The following HPSE2 variants were observed in gnomAD, a reference collection of about 807,000 sequenced individuals.
HPSE2 encodes the protein inactive heparanase-2.
HPSE2 carries 38 observed loss-of-function variants against 60.5 expected under a neutral mutation model. That is an observed-to-expected ratio of 0.63 (90% CI 0.48 to 0.82). The LOEUF (loss-of-function observed/expected upper bound fraction) is 0.82, where lower values mean the gene tolerates loss of function less well. Among genes scored for constraint, HPSE2 ranks in the 40% least tolerant of loss-of-function variants. The pLI is 0.00. For synonymous variants in HPSE2, 295 were observed against 293.2 expected, an observed-to-expected ratio of 1.01 and a Z score of -0.06; for missense variants, 713 against 740.4, an observed-to-expected ratio of 0.96 and a Z score of 0.43.
chr10:98,984,921 C>T (rs572862777), intron 3 of HPSE2, among the ~76,000 whole-genome samples: 196 of 151,934 alleles, frequency 1.3e-3, no homozygotes, highest in Admixed American at 4.0e-3. Context: ...TGAAATGAAG[C>T]GAGAAGGGAA....
chr10:99,293,254 T>A, the HPSE2 span, among the ~76,000 whole-genome samples: 1 of 152,168 alleles, frequency 6.6e-6, no homozygotes, highest in African/African-American at 2.4e-5. Context: ...TATAAGTTGA[T>A]TCAAAAAGTA....
At chr10:98,589,251 T>G (rs1945021724) in intron 9 of HPSE2, among the ~76,000 whole-genome samples, 1 of 152,198 alleles carries the variant, frequency 6.6e-6, no homozygotes, top group East Asian at 1.9e-4. Flanking sequence ...CGAGGGCTCA[T>G]CACCTGGCTG....
At chr10:98,749,492 GAT>G (rs142443351) in intron 3 of HPSE2, among the ~76,000 whole-genome samples, 2 of 150,474 alleles carry the variant, frequency 1.3e-5, no homozygotes, top group Non-Finnish European at 3.0e-5. Flanking sequence ...TATATATACA[GAT>G]ATATATATGC....
At chr10:99,252,558 C>T in the HPSE2 span, among the ~76,000 whole-genome samples, 2 of 152,058 alleles carry the variant, frequency 1.3e-5, no homozygotes, top group Non-Finnish European at 2.9e-5. Context: ...ATCAAGAACA[C>T]AATCCCTTTA....
At chr10:98,922,688 T>C (rs564083761) in intron 3 of HPSE2, among the ~76,000 whole-genome samples, 6 of 152,168 alleles carry the variant, frequency 3.9e-5, no homozygotes, top group Non-Finnish European at 8.8e-5. Context: ...ATACATGGTA[T>C]AATATACTTC....
intron 3 of HPSE2, among the ~76,000 whole-genome samples, chr10:98,771,197 T>C (rs1006859022): frequency 6.6e-6 from 1 of 152,106 alleles, no homozygotes; most frequent in Admixed American, 6.6e-5. Flanking sequence ...AAAACAGACA[T>C]GGCTAAGCAG....
At chr10:98,564,954 G>C (rs1006074492) in intron 9 of HPSE2, among the ~76,000 whole-genome samples, 31 of 152,206 alleles carry the variant, frequency 2.0e-4, no homozygotes, top group Non-Finnish European at 4.0e-4. Context: ...GACAAACTAG[G>C]ACACACAGAC....
At chr10:99,153,701 T>A (rs1340075986) in intron 2 of HPSE2, among the ~76,000 whole-genome samples, 2 of 152,144 alleles carry the variant, frequency 1.3e-5, no homozygotes, top group African/African-American at 2.4e-5. Flanking sequence ...GCGCCTCTCC[T>A]CCTCCAAAGG....
At chr10:98,794,942 T>C (rs1325199824) in intron 3 of HPSE2, among the ~76,000 whole-genome samples, 1 of 147,112 alleles carries the variant, frequency 6.8e-6, no homozygotes, top group Non-Finnish European at 1.5e-5. Flanking sequence ...TCTTTCCTTG[T>C]TCAAAACTGT....
chr10:98,461,795 C>T (rs1400149364), intron 11 of HPSE2: 2 of 1,595,432 alleles, frequency 1.3e-6, no homozygotes, highest in Non-Finnish European at 1.7e-6. Flanking sequence ...TTCAGATGAT[C>T]CCACAGTATT....
chr10:99,084,546 G>A (rs1012770301), intron 3 of HPSE2, among the ~76,000 whole-genome samples: 7 of 152,080 alleles, frequency 4.6e-5, no homozygotes, highest in African/African-American at 1.7e-4. Flanking sequence ...AGAGACTTCT[G>A]CAAACAACGC....
intron 9 of HPSE2, among the ~76,000 whole-genome samples, chr10:98,577,895 G>T (rs1402115453): frequency 2.6e-5 from 4 of 152,106 alleles, no homozygotes; most frequent in Non-Finnish European, 5.9e-5. Context: ...CAAATGCTGA[G>T]TTTATTTTGC....
At chr10:98,602,894 T>C (rs769021236) in intron 9 of HPSE2, among the ~76,000 whole-genome samples, 1 of 151,968 alleles carries the variant, frequency 6.6e-6, no homozygotes, top group African/African-American at 2.4e-5. Flanking sequence ...TGGCCTTGAA[T>C]TGAACACCAA....
At chr10:99,055,900 T>G (rs937828697) in intron 3 of HPSE2, among the ~76,000 whole-genome samples, 1 of 151,874 alleles carries the variant, frequency 6.6e-6, no homozygotes, top group Non-Finnish European at 1.5e-5. Flanking sequence ...ATTATCTAAA[T>G]CTCCACCTTA....
rs1371108965 is a variant in HPSE2, at chr10:99,021,636, T to A, written c.610+122602A>T. Among the ~76,000 whole-genome samples, 8 of 152,296 alleles carry A rather than the reference T, an allele frequency of 5.3e-5. No homozygotes were observed. In the East Asian group the frequency reaches 1.2e-3, roughly 22 times the overall value. The stretch of plus-strand genomic sequence containing the variant: ...CAAAGTAAGGTGTTTTAAGGATTGA[T>A]TAATTGAGTAGCTTAGTGGTATAAT... On this transcript the variant is annotated intron_variant, in intron 3 of 11. Transcript: ENST00000370552.
At chr10:99,025,234 C>G (rs994810089) in intron 3 of HPSE2, among the ~76,000 whole-genome samples, 1 of 152,004 alleles carries the variant, frequency 6.6e-6, no homozygotes, top group African/African-American at 2.4e-5. Context: ...TTTGTTTATG[C>G]AAATAGTGTT....
chr10:98,984,655 G>C (rs1019497688), intron 3 of HPSE2, among the ~76,000 whole-genome samples: 1 of 152,218 alleles, frequency 6.6e-6, no homozygotes, highest in Non-Finnish European at 1.5e-5. Flanking sequence ...TGACTTTGAC[G>C]AGTTGAGAGA....
At chr10:98,559,388 G>A (rs1554939289) in intron 9 of HPSE2, among the ~76,000 whole-genome samples, 2 of 151,904 alleles carry the variant, frequency 1.3e-5, no homozygotes, top group Admixed American at 6.6e-5. Flanking sequence ...TTTTTGCCCT[G>A]TGTACTCTTT....
chr10:99,251,862 CAAAAAAAAAAAAAA>C, the HPSE2 span, among the ~76,000 whole-genome samples: 4 of 57,264 alleles, frequency 7.0e-5, no homozygotes, highest in Non-Finnish European at 7.0e-5. Context: ...CTCTCTCTAC[CAAAAAAAAAAAAAA>C]AAAAAAAAAA....
Sources: allele counts gnomAD v4.1 joint callset (sites outside exome capture counted in the v4.1 genomes callset), GRCh38; gene constraint gnomAD v4.1.1; transcripts MANE v1.5; gene names NCBI Gene and HGNC (gene_info 2026-07-23, HGNC 2026-07-21).